SPATS2: variants seen among roughly 807,000 people sequenced by gnomAD.
SPATS2 encodes spermatogenesis associated serine rich 2.
SPATS2 carries 38 observed loss-of-function variants against 63.7 expected under a neutral mutation model. That is an observed-to-expected ratio of 0.60 (90% CI 0.46 to 0.78). The LOEUF (loss-of-function observed/expected upper bound fraction) is 0.78, where lower values mean the gene tolerates loss of function less well. Among genes scored for constraint, SPATS2 ranks in the 30% least tolerant of loss-of-function variants. SPATS2 has a pLI of 0.00. For missense variants in SPATS2, 588 were observed against 666.2 expected (o/e 0.88, Z 1.29); for synonymous variants, 207 against 232.9 (o/e 0.89, Z 1.01).
intron 2 of SPATS2, among the ~76,000 whole-genome samples, chr12:49,409,763 C>T (rs949174739): frequency 9.9e-5 from 15 of 151,484 alleles, no homozygotes; most frequent in East Asian, 3.9e-4. Context: ...CCATGACACC[C>T]GGCTAATTTT....
At chr12:49,478,568 A>G (rs2032791383) in intron 3 of SPATS2, among the ~76,000 whole-genome samples, 1 of 152,194 alleles carries the variant, frequency 6.6e-6, no homozygotes, top group African/African-American at 2.4e-5. Context: ...TTAATTGTTC[A>G]TGAGATACCA....
intron 2 of SPATS2, among the ~76,000 whole-genome samples, chr12:49,402,086 T>C (rs1435489651): frequency 1.3e-5 from 2 of 152,172 alleles, no homozygotes; most frequent in Non-Finnish European, 2.9e-5. Flanking sequence ...AGTTGATCCT[T>C]CTTCCTCAGC....
intron 5 of SPATS2, chr12:49,490,444 T>TAGA: frequency 2.0e-6 from 1 of 502,786 alleles, no homozygotes; most frequent in Non-Finnish European, 3.5e-6. Context: ...AGTCTCTTCT[T>TAGA]AGAAGAACTT....
At chr12:49,471,563 T>A (rs1946034083) in intron 3 of SPATS2, among the ~76,000 whole-genome samples, 1 of 152,106 alleles carries the variant, frequency 6.6e-6, no homozygotes, top group South Asian at 2.1e-4. Context: ...AGTTTTAGGT[T>A]TCAAGTGATC....
chr12:49,413,195 A>G (rs574419609), intron 2 of SPATS2, among the ~76,000 whole-genome samples: 4 of 152,194 alleles, frequency 2.6e-5, no homozygotes, highest in African/African-American at 7.2e-5. Context: ...AGTTGTAGTC[A>G]GATGGTGACT....
At chr12:49,435,328 C>T (rs145802647) in intron 2 of SPATS2, among the ~76,000 whole-genome samples, 301 of 150,382 alleles carry the variant, frequency 2.0e-3, no homozygotes, top group African/African-American at 6.8e-3. Flanking sequence ...CTGTGCCTGG[C>T]CTTTTTTTTT....
At position 49,526,547 on chromosome 12, in the gene SPATS2, C is replaced by G. The variant is rs1309677209; in HGVS notation, c.*292C>G. The G allele has an allele frequency of 2.5e-6, 1 of 404,476 alleles. No homozygotes were observed. The highest frequency in any genetic ancestry group is 2.0e-5 in the African/African-American group (1 of 48,880). The allele number at this position is 404,476 out of a possible 1,614,324, so 25.1% of individuals were successfully genotyped here. A position where few individuals can be genotyped will look rare whatever the true frequency, so the allele number is the denominator to read the frequency against. ...GGTTTCGGCCTTCCAGTTGATCCCTCCACTGTCCAGGCTGTCTCAGGAGGA... is the reference window on the plus strand; with the variant it reads ...GGTTTCGGCCTTCCAGTTGATCCCTGCACTGTCCAGGCTGTCTCAGGAGGA... On this transcript the variant is annotated 3_prime_UTR_variant, in exon 14 of 14. Transcript: ENST00000552918.
intron 2 of SPATS2, among the ~76,000 whole-genome samples, chr12:49,459,369 A>G (rs1945777177): frequency 6.6e-6 from 1 of 151,690 alleles, no homozygotes; most frequent in East Asian, 1.9e-4. Context: ...ATTTTTTGAG[A>G]TGGGGTTTCA....
chr12:49,462,323 G>T, intron 3 of SPATS2: 1 of 702,406 alleles, frequency 1.4e-6, no homozygotes, highest in Non-Finnish European at 2.6e-6. Flanking sequence ...CATGAGTGCT[G>T]GAACCGGCTG....
At chr12:49,453,728 G>T (rs985050406) in intron 2 of SPATS2, among the ~76,000 whole-genome samples, 1 of 151,950 alleles carries the variant, frequency 6.6e-6, no homozygotes, top group Admixed American at 6.6e-5. Context: ...CAGAAGAATC[G>T]CTTGAGCCCA....
intron 10 of SPATS2, 107 bp from the exon 11 acceptor site, chr12:49,518,966 A>C (rs1946893508): frequency 8.3e-6 from 6 of 721,868 alleles, no homozygotes; most frequent in Non-Finnish European, 1.3e-5. Flanking sequence ...GTGGATAGGC[A>C]GCTAAGCCTT....
At chr12:49,367,960 G>A (rs1003542848) in intron 1 of SPATS2, among the ~76,000 whole-genome samples, 1 of 152,182 alleles carries the variant, frequency 6.6e-6, no homozygotes, top group Non-Finnish European at 1.5e-5. Context: ...AATGCAGTAG[G>A]GATGCGTAAG....
intron 9 of SPATS2, among the ~76,000 whole-genome samples, chr12:49,510,268 A>ATAAATAAATTAATTAATT (rs1946729123): frequency 6.6e-6 from 1 of 151,496 alleles, no homozygotes; most frequent in Admixed American, 6.6e-5. Context: ...GTCTTAAAAA[A>ATAAATAAATTAATTAATT]AAAAAAAAAT....
intron 3 of SPATS2, chr12:49,469,542 T>TA (rs748722366): frequency 0.047 from 14,775 of 315,870 alleles, 52 homozygotes; most frequent in East Asian, 0.082. Flanking sequence ...GCTGGGTCTC[T>TA]AAAAAAAAAA....
intron 3 of SPATS2, chr12:49,462,482 T>A: frequency 1.4e-6 from 1 of 700,428 alleles, no homozygotes; most frequent in South Asian, 1.5e-5. Flanking sequence ...TGTTAACAGC[T>A]CAGTGGGCCC....
At chr12:49,368,386 G>A (rs1943940335) in intron 1 of SPATS2, among the ~76,000 whole-genome samples, 1 of 152,164 alleles carries the variant, frequency 6.6e-6, no homozygotes, top group Admixed American at 6.5e-5. Flanking sequence ...AGCAGGAGAG[G>A]ACAGATCACC....
At chr12:49,385,952 C>T (rs563422639) in intron 2 of SPATS2, among the ~76,000 whole-genome samples, 2 of 150,848 alleles carry the variant, frequency 1.3e-5, no homozygotes, top group East Asian at 1.9e-4. Flanking sequence ...CAACCTCTGC[C>T]TCCCAGGTTC....
chr12:49,442,785 TTAAAA>T lies in SPATS2; in HGVS notation c.-243-17984_-243-17980del, dbSNP rs1398993008. ...GGCAACAGAGAGAGACCATGTCTCCTTAAAAAAAAAAAAAAAAAAAAAAAAAAAAA... is the reference window on the plus strand; with the variant it reads ...GGCAACAGAGAGAGACCATGTCTCCTAAAAAAAAAAAAAAAAAAAAAAAAA... On this transcript the variant is annotated intron_variant, in intron 2 of 13. Coordinates refer to ENST00000552918, the MANE Select transcript of SPATS2 (RefSeq NM_023071.4). 1.3e-4 allele frequency: 8 copies of T among 62,916 alleles called. 1 individual carries two copies. Among genetic ancestry groups the T allele is most frequent in the African/African-American group, 3.4e-4 (8 of 23,798 alleles). The allele number at this position is 62,916 out of a possible 1,614,324, so 3.9% of individuals were successfully genotyped here.
intron 3 of SPATS2, among the ~76,000 whole-genome samples, chr12:49,477,155 G>A (rs1207020141): frequency 6.6e-6 from 1 of 151,310 alleles, no homozygotes; most frequent in African/African-American, 2.4e-5. Context: ...TTATTCTATT[G>A]CACCTACTGA....
Sources: allele counts gnomAD v4.1 joint callset (sites outside exome capture counted in the v4.1 genomes callset), GRCh38; gene constraint gnomAD v4.1.1; transcripts MANE v1.5; gene names NCBI Gene and HGNC (gene_info 2026-07-23, HGNC 2026-07-21).